Variants in CD53 observed in about 807,000 individuals in gnomAD.
CD53 encodes CD53 molecule, also known as leukocyte surface antigen CD53.
In CD53, 20 loss-of-function variants were observed where a neutral mutation model predicts 27.3. The ratio of observed to expected loss-of-function variants is 0.73; its 90% CI spans 0.52 to 1.07. The LOEUF is 1.07. Among genes scored for constraint, CD53 ranks in the 50% least tolerant of loss-of-function variants. CD53 has a pLI of 0.00. For missense variants in CD53, 216 were observed against 264.0 expected (o/e 0.82, Z 1.26); for synonymous variants, 106 against 105.3 (o/e 1.01, Z -0.04).
At chr1:110,892,758 TA>T (rs2101061257) in intron 3 of CD53, 1 of 476,492 alleles carries the variant, frequency 2.1e-6, no homozygotes, top group African/African-American at 2.0e-5. Flanking sequence ...TAGCCATTTT[TA>T]TATTGCTAAT....
intron 1 of CD53, among the ~76,000 whole-genome samples, chr1:110,880,502 G>T (rs931990769): frequency 6.6e-6 from 1 of 152,106 alleles, no homozygotes; most frequent in African/African-American, 2.4e-5. Context: ...CAGGTTACAC[G>T]GGCCTGAACT....
At chr1:110,886,571 A>G (rs1045642817) in intron 1 of CD53, among the ~76,000 whole-genome samples, 12 of 151,996 alleles carry the variant, frequency 7.9e-5, no homozygotes, top group Non-Finnish European at 1.6e-4. Context: ...TTTTCTGGCC[A>G]GGCATGGTGG....
intron 5 of CD53, 61 bp downstream of exon 5, chr1:110,895,116 TG>T (rs1265622553): frequency 4.1e-6 from 5 of 1,209,734 alleles, no homozygotes; most frequent in Non-Finnish European, 6.2e-6. Flanking sequence ...CCTAAATCCT[TG>T]GGGGCTAGTT....
chr1:110,886,421 A>G (rs1656605910), intron 1 of CD53, among the ~76,000 whole-genome samples: 1 of 151,736 alleles, frequency 6.6e-6, no homozygotes, highest in Admixed American at 6.6e-5. Context: ...CAAATTTAGG[A>G]TTTTATTTAG....
At position 110,897,829 on chromosome 1, in the gene CD53, A is replaced by G. The variant is rs938172366; in HGVS notation, c.525A>G (p.Arg175=). Residue 175 remains arginine (R), a synonymous_variant, in exon 7 of 8, where the codon AGA becomes AGG. Coordinates refer to ENST00000271324, the MANE Select transcript of CD53 (RefSeq NM_000560.4). ...RKVEGCYAKA[R]LWFHSNFLYI... ...TCTAGGGTTGCTATGCGAAAGCAAG[A>G]CTGTGGTTTCATTCCAATTTCCTGT... is the stretch of plus-strand genomic sequence containing the variant. The G allele has an allele frequency of 3.1e-6, 5 of 1,610,634 alleles. No individual in the cohort carries two copies. The African/African-American group carries it at 6.7e-5, about 22-fold the overall frequency.
At chr1:110,886,869 A>ATATATATATATATATATATTTT (rs1298376721) in intron 1 of CD53, among the ~76,000 whole-genome samples, 11 of 82,776 alleles carry the variant, frequency 1.3e-4, no homozygotes, top group Non-Finnish European at 1.8e-4. Context: ...ATATATATAT[A>ATATATATATATATATATATTTT]TTTTTTTTTT....
In CD53 at chr1:110,896,677, A is replaced by G; in HGVS notation, c.448A>G (p.Thr150Ala). The G allele has an allele frequency of 6.2e-7, 1 of 1,613,568 alleles. No individual in the cohort carries two copies. The highest frequency in any genetic ancestry group is 8.5e-7 in the Non-Finnish European group (1 of 1,179,814). ...SFLQCCGING[T>A]SDWTSGPPAS... ...GCTGCAGTGTTGTGGTATAAATGGC[A>G]CGAGTGATTGGACCAGTGGCCCACC... The change falls in exon 6 of 8, where the codon ACG (threonine) becomes GCG (alanine). Residue 150 changes from threonine to alanine, a missense_variant. By Grantham distance (58) the Thr-to-Ala change is moderately conservative (BLOSUM62 0). Coordinates refer to ENST00000271324, the MANE Select transcript of CD53 (RefSeq NM_000560.4).
At chr1:110,894,190 A>G in intron 3 of CD53, 137 bp from the exon 4 acceptor site, 2 of 706,058 alleles carry the variant, frequency 2.8e-6, no homozygotes, top group Admixed American at 4.6e-5. Flanking sequence ...AAAACAAAAG[A>G]AGGCTTACAA....
At chr1:110,885,462 G>C (rs12117993) in intron 1 of CD53, among the ~76,000 whole-genome samples, 7 of 151,710 alleles carry the variant, frequency 4.6e-5, no homozygotes, top group Non-Finnish European at 8.8e-5. Flanking sequence ...GGCGTGAACC[G>C]GGGAGGCGGA....
At chr1:110,891,163 A>G (rs1236772314) in intron 1 of CD53, among the ~76,000 whole-genome samples, 2 of 152,246 alleles carry the variant, frequency 1.3e-5, no homozygotes, top group East Asian at 1.9e-4. Context: ...ACTTAATTCA[A>G]TGTTAAGCAT....
upstream of CD53, among the ~76,000 whole-genome samples, chr1:110,872,701 T>C (rs1312948750): frequency 6.6e-6 from 1 of 152,164 alleles, no homozygotes; most frequent in African/African-American, 2.4e-5. Context: ...GCAGAGAATC[T>C]TCAGAAAGAC....
upstream of CD53, among the ~76,000 whole-genome samples, chr1:110,872,466 G>T (rs914630896): frequency 5.3e-5 from 8 of 152,192 alleles, no homozygotes; most frequent in Non-Finnish European, 1.0e-4. Context: ...ACTTGCTCAA[G>T]ATCTCACAGC....
chr1:110,891,462 G>A lies in CD53; in HGVS notation c.54G>A (p.Leu18=), dbSNP rs1264373654. 6.2e-7 allele frequency: 1 copy of A among 1,611,956 alleles called. No homozygotes were observed. The highest frequency in any genetic ancestry group is 8.5e-7 in the Non-Finnish European group (1 of 1,178,210). ...LLKYVLFFFN[L]LFWICGCCIL... ...AGTATGTCCTGTTTTTCTTCAACTT[G>A]CTCTTTTGGGTAAGTGTATCTCTTC... Residue 18 remains leucine, a synonymous_variant, in exon 2 of 8, where the codon TTG becomes TTA. Coordinates refer to ENST00000271324, the MANE Select transcript of CD53 (RefSeq NM_000560.4).
Position 110,894,947 on chromosome 1 carries a change from T to C in CD53, c.328-13T>C. 6.2e-7 allele frequency: 1 copy of C among 1,603,730 alleles called. No individual in the cohort carries two copies. The highest frequency in any genetic ancestry group is 8.5e-7 in the Non-Finnish European group (1 of 1,170,618). On this transcript the variant is annotated splice_polypyrimidine_tract_variant and intron_variant, in intron 4 of 7. Transcript: ENST00000271324. ...TTTTACCATGTCTCCTCTGCTGGAA[T>C]GTGCCTGCCCAGCTGAATGAGTATG...
intron 6 of CD53, 45 bp from the exon 7 acceptor site, chr1:110,897,764 G>A (rs1657126659): frequency 8.6e-7 from 1 of 1,165,470 alleles, no homozygotes. Context: ...TCTTGATATG[G>A]TGGAATTATA....
intron 1 of CD53, among the ~76,000 whole-genome samples, chr1:110,888,150 T>C (rs544668581): frequency 2.6e-5 from 4 of 152,178 alleles, no homozygotes; most frequent in Non-Finnish European, 5.9e-5. Flanking sequence ...TAAGAAGAAA[T>C]GTAGCCTAGC....
intron 7 of CD53, among the ~76,000 whole-genome samples, chr1:110,898,564 G>A (rs1238249214): frequency 6.6e-6 from 1 of 152,004 alleles, no homozygotes; most frequent in Non-Finnish European, 1.5e-5. Flanking sequence ...TGCATGTTAA[G>A]GGGCTGATGA....
chr1:110,886,869 A>ATTTTTTT (rs71575170), intron 1 of CD53, among the ~76,000 whole-genome samples: 22 of 82,782 alleles, frequency 2.7e-4, no homozygotes, highest in South Asian at 4.3e-4. Context: ...ATATATATAT[A>ATTTTTTT]TTTTTTTTTT....
chr1:110,872,918 C>G (rs1476021250), upstream of CD53, among the ~76,000 whole-genome samples: 4 of 152,168 alleles, frequency 2.6e-5, no homozygotes, highest in African/African-American at 4.8e-5. Flanking sequence ...TAGAATCCAC[C>G]ACTGCTCACA....
Sources: allele counts gnomAD v4.1 joint callset (sites outside exome capture counted in the v4.1 genomes callset), GRCh38; gene constraint gnomAD v4.1.1; transcripts MANE v1.5; gene names NCBI Gene and HGNC (gene_info 2026-07-23, HGNC 2026-07-21).